MMP24: variants seen among roughly 807,000 people sequenced by gnomAD.
MMP24 encodes matrix metallopeptidase 24.
In MMP24, 25 loss-of-function variants were observed where a neutral mutation model predicts 62.8. That is an observed-to-expected ratio of 0.40 (90% CI 0.29 to 0.56). MMP24 has a LOEUF of 0.56. Ranked by LOEUF, MMP24 falls within the 20% of genes least tolerant of loss-of-function variation. The probability of loss-of-function intolerance (pLI) is 0.50; values close to 1 mark genes in which losing one functional copy is unlikely to be tolerated. For synonymous variants in MMP24, 319 were observed against 350.5 expected (o/e 0.91, Z 1.00); for missense variants, 634 against 853.6 (o/e 0.74, Z 3.21).
intron 3 of MMP24, among the ~76,000 whole-genome samples, chr20:35,253,126 C>T (rs2060556222): frequency 6.6e-6 from 1 of 151,222 alleles, no homozygotes; most frequent in Admixed American, 6.5e-5. Flanking sequence ...TGGGCAGGCT[C>T]GGGTGGGTGC....
chr20:35,275,963 A>G lies in MMP24; in HGVS notation c.*1354A>G. 1 of 398,632 alleles carries G rather than the reference A, an allele frequency of 2.5e-6. No homozygotes were observed. The highest frequency in any genetic ancestry group is 1.3e-4 in the South Asian group (1 of 7,840). 24.7% of individuals were successfully genotyped at this position (398,632 alleles called of 1,614,324 possible). A position where few individuals can be genotyped will look rare whatever the true frequency, so the allele number is the denominator to read the frequency against. On this transcript the variant is annotated 3_prime_UTR_variant, in exon 9 of 9. Transcript: ENST00000246186. ...CCTTGCTCCACAGTACGGCGGAGGC[A>G]GCCCTGCTTGTCACTGAGGAGCCCT...
chr20:35,264,911 A>T (rs1389357264), intron 5 of MMP24, among the ~76,000 whole-genome samples: 1 of 152,106 alleles, frequency 6.6e-6, no homozygotes, highest in African/African-American at 2.4e-5. Flanking sequence ...AAGACAGCAC[A>T]GGCACCCACA....
At position 35,227,362 on chromosome 20, in the gene MMP24, G is replaced by A. The variant is rs993889330; in HGVS notation, c.246+378G>A. Among the ~76,000 whole-genome samples, 7 of 151,856 alleles carry A rather than the reference G, an allele frequency of 4.6e-5. No individual in the cohort carries two copies. In the East Asian group the frequency reaches 1.4e-3, roughly 30 times the overall value. The stretch of plus-strand genomic sequence containing the variant: ...CTGTTGTGGGTTGGGAGAAGAAACC[G>A]AGGATGTTCAAGCTGGAGAAGGGGG... On this transcript the variant is annotated intron_variant, in intron 1 of 8. Coordinates refer to ENST00000246186, the MANE Select transcript of MMP24 (RefSeq NM_006690.4).
intron 1 of MMP24, among the ~76,000 whole-genome samples, chr20:35,229,464 T>C (rs2060428652): frequency 1.3e-5 from 2 of 152,316 alleles, no homozygotes; most frequent in Middle Eastern, 3.4e-3. Context: ...AATTTGACAA[T>C]GACTCCATTT....
intron 1 of MMP24, among the ~76,000 whole-genome samples, chr20:35,230,499 T>C (rs78493802): frequency 0.02 from 3,072 of 152,364 alleles, 88 homozygotes; most frequent in African/African-American, 0.07. Flanking sequence ...TAGGCACTCA[T>C]GGGCATGGGG....
intron 5 of MMP24, 57 bp from the exon 6 acceptor site, chr20:35,267,148 G>A: frequency 7.1e-7 from 1 of 1,403,282 alleles, no homozygotes. Context: ...TGCTGAGACT[G>A]GCAATGGGAG....
At chr20:35,237,982 C>T (rs2060471736) in intron 1 of MMP24, among the ~76,000 whole-genome samples, 1 of 152,170 alleles carries the variant, frequency 6.6e-6, no homozygotes, top group African/African-American at 2.4e-5. Flanking sequence ...GCCAATATAG[C>T]AATGGATGAG....
intron 1 of MMP24, 39 bp from the exon 2 acceptor site, chr20:35,246,800 TC>T (rs1243301362): frequency 6.2e-7 from 1 of 1,610,052 alleles, no homozygotes; most frequent in Non-Finnish European, 8.5e-7. Flanking sequence ...ACAGAGCCTT[TC>T]CCAGCATAAC....
intron 8 of MMP24, chr20:35,272,062 T>A: frequency 1.7e-6 from 1 of 596,328 alleles, no homozygotes; most frequent in South Asian, 2.1e-5. Context: ...AGAGACGTTG[T>A]CATAGACTGA....
intron 1 of MMP24, among the ~76,000 whole-genome samples, chr20:35,244,027 T>C (rs1271947615): frequency 6.6e-6 from 1 of 152,214 alleles, no homozygotes; most frequent in Non-Finnish European, 1.5e-5. Flanking sequence ...ATGGATTTTA[T>C]CACAAGGCAG....
chr20:35,271,668 C>G lies in MMP24; in HGVS notation c.1433C>G (p.Thr478Arg), dbSNP rs1350090526. Residue 478 changes from threonine (T) to arginine (R), a missense_variant, in exon 8 of 9, where the codon ACA (threonine) becomes AGA (arginine). By Grantham distance (71) the Thr-to-Arg change is moderately conservative (BLOSUM62 -1). Coordinates refer to ENST00000246186, the MANE Select transcript of MMP24 (RefSeq NM_006690.4). The surrounding 1 kb of genome is among the most constrained non-coding windows in gnomAD (Gnocchi z 4.0). The stretch of plus-strand genomic sequence containing the variant: ...TGTTTGCCCCGTGAAGGCATTGACA[C>G]AGCTCTGCGCTGGGAACCTGTGGGC... Reference protein sequence around the residue: ...GSCLPREGIDTALRWEPVGKT... With the variant: ...GSCLPREGIDRALRWEPVGKT... The G allele has an allele frequency of 9.9e-6, 16 of 1,609,342 alleles. No individual in the cohort carries two copies. The highest frequency in any genetic ancestry group is 1.4e-5 in the Non-Finnish European group (16 of 1,178,012).
rs1381530747 is a variant in MMP24 at position 35,269,002 on chromosome 20, G to A, written c.1195-758G>A. Among the ~76,000 whole-genome samples the A allele has an allele frequency of 1.4e-5, 2 of 145,894 alleles. No homozygotes were observed. The highest frequency in any genetic ancestry group is 3.0e-5 in the Non-Finnish European group (2 of 66,532). ...AGATTGCGCCACTGCACTCCAGCCT[G>A]GGTGACAGAGCGAGACTCCATCTAA... On this transcript the variant is annotated intron_variant, in intron 6 of 8. Coordinates refer to ENST00000246186, the MANE Select transcript of MMP24 (RefSeq NM_006690.4). This position sits in a 1 kb window ranked among gnomAD's most constrained non-coding sequence, Gnocchi z 4.6.
intron 1 of MMP24, chr20:35,235,968 C>T (rs750462668): frequency 1.3e-5 from 2 of 152,372 alleles, no homozygotes; most frequent in Non-Finnish European, 2.9e-5. Flanking sequence ...TGACCCAAAA[C>T]CCCAAATGTG....
intron 4 of MMP24, among the ~76,000 whole-genome samples, chr20:35,260,075 G>A (rs988782036): frequency 2.6e-5 from 4 of 152,216 alleles, no homozygotes; most frequent in South Asian, 2.1e-4. Context: ...CTTCCCTGCC[G>A]CTCACCCTCT....
rs11474068 is a variant in MMP24, at chr20:35,253,868, G to GTTTTTT, written c.513-569_513-564dup. The stretch of plus-strand genomic sequence containing the variant: ...AATGCTATCTACCAATTTCCTTTGG[G>GTTTTTT]TTTTTTTTTTTTTTTTTTGAGACAG... On this transcript the variant is annotated intron_variant, in intron 3 of 8. Transcript: ENST00000246186. 6.6e-4 allele frequency among the ~76,000 whole-genome samples: 86 copies of GTTTTTT among 130,084 alleles called. 1 individual carries two copies. Among genetic ancestry groups the GTTTTTT allele is most frequent in the African/African-American group, 2.3e-3 (77 of 33,472 alleles). 85.3% of individuals were successfully genotyped at this position (130,084 alleles called of 152,430 possible). A position where few individuals can be genotyped will look rare whatever the true frequency, so the allele number is the denominator to read the frequency against.
rs1046398186 is a variant in MMP24, at chr20:35,269,184, C to T, written c.1195-576C>T. 4.6e-5 allele frequency among the ~76,000 whole-genome samples: 7 copies of T among 152,192 alleles called. No individual in the cohort carries two copies. Among genetic ancestry groups the T allele is most frequent in the South Asian group, 2.1e-4 (1 of 4,830 alleles). On this transcript the variant is annotated intron_variant, in intron 6 of 8. Transcript: ENST00000246186. This position sits in a 1 kb window ranked among gnomAD's most constrained non-coding sequence, Gnocchi z 4.6. Reference sequence around the variant, plus strand: ...TTTACTCAACATGGACTGTGTGCCCCGTACTGGTCTGGGCATTTTGCCTAG... The same window carrying T: ...TTTACTCAACATGGACTGTGTGCCCTGTACTGGTCTGGGCATTTTGCCTAG...
chr20:35,251,588 G>A (rs1014841360), intron 2 of MMP24, among the ~76,000 whole-genome samples: 2 of 152,198 alleles, frequency 1.3e-5, no homozygotes, highest in African/African-American at 4.8e-5. Flanking sequence ...TGTTGCAGAG[G>A]AGGAAACTGA....
chr20:35,253,066 AAGGGCCAGGCATGGGCAGGCTCAG>A (rs2146217598), intron 3 of MMP24, among the ~76,000 whole-genome samples: 2 of 126,740 alleles, frequency 1.6e-5, no homozygotes, highest in Non-Finnish European at 1.7e-5. Context: ...GGGCTGGGGC[AAGGGCCAGGCATGGGCAGGCTCAG>A]GTGGGGCTGG....
At chr20:35,253,681 A>T (rs2060560233) in intron 3 of MMP24, among the ~76,000 whole-genome samples, 1 of 152,326 alleles carries the variant, frequency 6.6e-6, no homozygotes, top group Non-Finnish European at 1.5e-5. Flanking sequence ...ATAATGGATT[A>T]AATCAGATAC....
Sources: allele counts gnomAD v4.1 joint callset (sites outside exome capture counted in the v4.1 genomes callset), GRCh38; gene constraint gnomAD v4.1.1; non-coding constraint Gnocchi (gnomAD v3.1); transcripts MANE v1.5; gene names NCBI Gene and HGNC (gene_info 2026-07-23, HGNC 2026-07-21).